CRPPA: variants seen among roughly 807,000 people sequenced by gnomAD.
CRPPA encodes the protein CDP-L-ribitol pyrophosphorylase A, also known as D-ribitol-5-phosphate cytidylyltransferase.
A neutral mutation model predicts 52.0 loss-of-function variants in CRPPA; 43 were observed. The observed-to-expected ratio is 0.83, with a 90% CI of 0.65 to 1.07. The LOEUF (loss-of-function observed/expected upper bound fraction) is 1.07, where lower values mean the gene tolerates loss of function less well. Ranked by LOEUF, CRPPA falls within the 50% of genes least tolerant of loss-of-function variation. The probability of loss-of-function intolerance (pLI) is 0.00; values close to 1 mark genes in which losing one functional copy is unlikely to be tolerated. For missense variants in CRPPA, 629 were observed against 551.7 expected (o/e 1.14, Z -1.40); for synonymous variants, 250 against 203.5 (o/e 1.23, Z -1.94).
At chr7:16,338,847 G>A (rs1050745561) in intron 3 of CRPPA, among the ~76,000 whole-genome samples, 1 of 136,026 alleles carries the variant, frequency 7.4e-6, no homozygotes, top group Non-Finnish European at 1.5e-5. Flanking sequence ...ACAGAGTGCT[G>A]CTCTGTCACC....
At chr7:16,226,059 G>T (rs1782642944) in intron 8 of CRPPA, among the ~76,000 whole-genome samples, 1 of 151,888 alleles carries the variant, frequency 6.6e-6, no homozygotes, top group Non-Finnish European at 1.5e-5. Flanking sequence ...TTCATCCTGT[G>T]CCTTCTCTTA....
chr7:16,103,456 T>TA (rs1562505067), intron 9 of CRPPA, among the ~76,000 whole-genome samples: 1 of 152,032 alleles, frequency 6.6e-6, no homozygotes, highest in Non-Finnish European at 1.5e-5. Context: ...AGTATAATTT[T>TA]AAAAAAAGAA....
At chr7:16,172,054 A>G (rs938190571) in intron 9 of CRPPA, among the ~76,000 whole-genome samples, 4 of 152,176 alleles carry the variant, frequency 2.6e-5, no homozygotes, top group Non-Finnish European at 5.9e-5. Context: ...AGCTTACGAA[A>G]GCACGCTTTC....
chr7:16,342,582 A>T (rs1282812821), intron 3 of CRPPA, among the ~76,000 whole-genome samples: 1 of 151,358 alleles, frequency 6.6e-6, no homozygotes, highest in Non-Finnish European at 1.5e-5. Flanking sequence ...CTCTTATTTC[A>T]TGTTGATAAT....
intron 3 of CRPPA, among the ~76,000 whole-genome samples, chr7:16,339,157 G>C (rs898395489): frequency 1.3e-5 from 2 of 151,874 alleles, no homozygotes; most frequent in African/African-American, 4.8e-5. Context: ...ATCTCTTTCA[G>C]ACTATCAAAG....
intron 9 of CRPPA, among the ~76,000 whole-genome samples, chr7:16,115,851 A>C (rs1475033140): frequency 6.6e-6 from 1 of 152,220 alleles, no homozygotes; most frequent in Non-Finnish European, 1.5e-5. Flanking sequence ...AATACTAATG[A>C]GTTCATTCAG....
At chr7:16,145,046 CCAG>C (rs564667193) in intron 9 of CRPPA, among the ~76,000 whole-genome samples, 69 of 152,308 alleles carry the variant, frequency 4.5e-4, no homozygotes, top group African/African-American at 1.4e-3. Flanking sequence ...ACCCAGTTAT[CCAG>C]CAGGAGTCAA....
intron 1 of CRPPA, among the ~76,000 whole-genome samples, chr7:16,413,104 G>T (rs761970930): frequency 1.3e-5 from 2 of 152,148 alleles, no homozygotes; most frequent in Non-Finnish European, 2.9e-5. Flanking sequence ...CAGCCTTCAC[G>T]GAAACTTGGC....
intron 1 of CRPPA, among the ~76,000 whole-genome samples, chr7:16,417,842 A>T (rs1290488951): frequency 1.3e-5 from 2 of 152,222 alleles, no homozygotes; most frequent in East Asian, 3.8e-4. Context: ...GCCCTTGAAA[A>T]ACAAGAAATG....
At chr7:16,419,351 T>G (rs55944246) in intron 1 of CRPPA, among the ~76,000 whole-genome samples, 23,065 of 152,262 alleles carry the variant, frequency 0.15, 2,000 homozygotes, top group Admixed American at 0.19. Flanking sequence ...CTTCTAACCA[T>G]TAAGCTCATT....
chr7:16,409,970 G>T (rs1487259883), intron 1 of CRPPA, among the ~76,000 whole-genome samples: 1 of 152,084 alleles, frequency 6.6e-6, no homozygotes, highest in Admixed American at 6.5e-5. Flanking sequence ...TCATCTACTG[G>T]GGGCAGTATA....
intron 1 of CRPPA, among the ~76,000 whole-genome samples, chr7:16,412,798 C>T (rs1788103571): frequency 6.6e-6 from 1 of 152,184 alleles, no homozygotes; most frequent in African/African-American, 2.4e-5. Context: ...TATTTCCTTT[C>T]TAGCACATTC....
At chr7:16,100,025 A>G (rs1038732499) in intron 9 of CRPPA, among the ~76,000 whole-genome samples, 3 of 152,106 alleles carry the variant, frequency 2.0e-5, no homozygotes, top group Non-Finnish European at 4.4e-5. Context: ...CCTCCCTAAA[A>G]TAGCCACCTT....
At chr7:16,272,192 C>G (rs1342214818) in intron 6 of CRPPA, among the ~76,000 whole-genome samples, 1 of 152,076 alleles carries the variant, frequency 6.6e-6, no homozygotes, top group Non-Finnish European at 1.5e-5. Context: ...AAGCCTTGTC[C>G]TTTAAGAATC....
chr7:16,323,064 G>A (rs1006019603), intron 3 of CRPPA, among the ~76,000 whole-genome samples: 5 of 152,030 alleles, frequency 3.3e-5, no homozygotes, highest in Non-Finnish European at 5.9e-5. Context: ...ACCTGGTACC[G>A]GCCTTGATAC....
At chr7:16,269,564 T>C (rs2128415645) in intron 6 of CRPPA, 2 of 152,298 alleles carry the variant, frequency 1.3e-5, no homozygotes, top group South Asian at 4.1e-4. Context: ...TCATTTAAGG[T>C]ATACAGTGCC....
intron 2 of CRPPA, among the ~76,000 whole-genome samples, chr7:16,403,162 A>C (rs1020320205): frequency 1.3e-5 from 2 of 152,206 alleles, no homozygotes; most frequent in Admixed American, 1.3e-4. Context: ...TTGTAGACTT[A>C]GAATTTTATA....
chr7:16,407,745 C>T (rs774603802), intron 1 of CRPPA, among the ~76,000 whole-genome samples: 2 of 152,120 alleles, frequency 1.3e-5, no homozygotes, highest in Non-Finnish European at 2.9e-5. Context: ...AAACCAAGAG[C>T]TACTTTATAG....
intron 3 of CRPPA, among the ~76,000 whole-genome samples, chr7:16,357,525 G>C (rs149060524): frequency 2.6e-5 from 4 of 152,188 alleles, no homozygotes; most frequent in African/African-American, 7.2e-5. Context: ...CTCCTCTGTG[G>C]CTCCACTATT....
Sources: allele counts gnomAD v4.1 joint callset (sites outside exome capture counted in the v4.1 genomes callset), GRCh38; gene constraint gnomAD v4.1.1; transcripts MANE v1.5; gene names NCBI Gene and HGNC (gene_info 2026-07-23, HGNC 2026-07-21).